Variants in ARMC3 observed in about 807,000 individuals in gnomAD.
The protein encoded by ARMC3 is armadillo repeat-containing protein 3.
Under a neutral mutation model 90.3 loss-of-function variants are expected in ARMC3, and 74 were observed. The observed-to-expected ratio is 0.82, with a 90% CI of 0.68 to 0.99. The LOEUF (loss-of-function observed/expected upper bound fraction) is 0.99. Ranked by LOEUF, ARMC3 falls within the 50% of genes least tolerant of loss-of-function variation. The pLI, the probability that ARMC3 is intolerant of heterozygous loss-of-function variation, is 0.00. For missense variants in ARMC3, 958 were observed against 1,042.8 expected (o/e 0.92, Z 1.12); for synonymous variants, 334 against 361.8 (o/e 0.92, Z 0.87).
At chr10:22,972,131 T>G (rs2131305109) in intron 8 of ARMC3, among the ~76,000 whole-genome samples, 1 of 152,354 alleles carries the variant, frequency 6.6e-6, no homozygotes, top group South Asian at 2.1e-4. Flanking sequence ...TCTCCCATTC[T>G]GTGGTTTGCC....
chr10:23,030,930 C>A (rs1838905078), intron 17 of ARMC3, 134 bp downstream of exon 17: 3 of 986,970 alleles, frequency 3.0e-6, no homozygotes, highest in South Asian at 4.0e-5. Context: ...GACACAGAAA[C>A]ACAATGAATT....
intron 10 of ARMC3, among the ~76,000 whole-genome samples, chr10:22,989,341 T>G (rs1836603737): frequency 6.6e-6 from 1 of 152,186 alleles, no homozygotes; most frequent in Non-Finnish European, 1.5e-5. Flanking sequence ...TTTGACGCAT[T>G]CATTGTACCG....
intron 1 of ARMC3, among the ~76,000 whole-genome samples, chr10:22,929,985 A>G (rs1332725737): frequency 6.6e-6 from 1 of 152,236 alleles, no homozygotes; most frequent in African/African-American, 2.4e-5. Flanking sequence ...AGTAGGAAAA[A>G]TTAGTTCCTA....
chr10:22,974,301 G>T (rs1835822095), intron 8 of ARMC3, among the ~76,000 whole-genome samples: 1 of 152,158 alleles, frequency 6.6e-6, no homozygotes, highest in South Asian at 2.1e-4. Context: ...AGCAAGAGAT[G>T]ATGAGGTCCC....
intron 10 of ARMC3, among the ~76,000 whole-genome samples, chr10:22,996,675 C>T (rs780848579): frequency 6.6e-6 from 1 of 152,156 alleles, no homozygotes; most frequent in African/African-American, 2.4e-5. Context: ...CTCTTCATTA[C>T]GTTCCTGCCC....
rs546284516 is a variant in ARMC3, at chr10:23,003,912, C to A, written c.1731+498C>A. 5.9e-5 allele frequency among the ~76,000 whole-genome samples: 9 copies of A among 152,180 alleles called. No individual in the cohort carries two copies. The East Asian group carries it at 1.7e-3, about 29-fold the overall frequency. ...CCTGTAATCCCAGAACTTTGGGAGT[C>A]TGAGGTAGGAGAATCACTTGAGGCA... is the stretch of plus-strand genomic sequence containing the variant. On this transcript the variant is annotated intron_variant, in intron 13 of 18. Coordinates refer to ENST00000298032, the MANE Select transcript of ARMC3 (RefSeq NM_173081.5).
chr10:22,998,156 C>G lies in ARMC3; in HGVS notation c.1184C>G (p.Ala395Gly). 1 of 1,613,840 alleles carries G rather than the reference C, an allele frequency of 6.2e-7. No individual in the cohort carries two copies. The highest frequency in any genetic ancestry group is 1.1e-5 in the South Asian group (1 of 91,018). The change falls in exon 11 of 19, where the codon GCT becomes GGT. Residue 395 changes from alanine (A) to glycine (G), a missense_variant. Coordinates refer to ENST00000298032, the MANE Select transcript of ARMC3 (RefSeq NM_173081.5). ...TCNPANANAA[A>G]EADGIDPLIN... ...CTCTTTCATTTACTCAGCGCTGCTGCTGAAGCTGATGGTATTGATCCATTA... is the reference window on the plus strand; with the variant it reads ...CTCTTTCATTTACTCAGCGCTGCTGGTGAAGCTGATGGTATTGATCCATTA...
chr10:22,961,555 C>T lies in ARMC3; in HGVS notation c.538-329C>T, dbSNP rs1835191785. The stretch of plus-strand genomic sequence containing the variant: ...TCATTGCATTAATTACTATTTGAAG[C>T]AGTATATCCAAGTGTGAGAAGAATT... On this transcript the variant is annotated intron_variant, in intron 6 of 18. Coordinates refer to ENST00000298032, the MANE Select transcript of ARMC3 (RefSeq NM_173081.5). 1.4e-5 allele frequency: 3 copies of T among 213,762 alleles called. No individual in the cohort carries two copies. In the South Asian group the frequency reaches 2.7e-4, roughly 19 times the overall value. 13.2% of individuals were successfully genotyped at this position (213,762 alleles called of 1,614,324 possible).
chr10:22,976,260 T>G (rs1483210261), intron 8 of ARMC3, among the ~76,000 whole-genome samples: 2 of 152,232 alleles, frequency 1.3e-5, no homozygotes, highest in Non-Finnish European at 2.9e-5. Context: ...TATCAACCTC[T>G]TTGACAGATC....
chr10:23,008,606 C>CT (rs1415672057), intron 15 of ARMC3, among the ~76,000 whole-genome samples: 1 of 152,176 alleles, frequency 6.6e-6, no homozygotes, highest in Non-Finnish European at 1.5e-5. Flanking sequence ...GGCCACATGA[C>CT]TTAGTGTCTG....
In ARMC3 at chr10:23,037,369, G is replaced by A. The variant is rs1184000556; in HGVS notation, c.2509G>A (p.Val837Met). The A allele has an allele frequency of 6.2e-7, 1 of 1,614,030 alleles. No individual in the cohort carries two copies. Among genetic ancestry groups the A allele is most frequent in the Non-Finnish European group, 8.5e-7 (1 of 1,179,920 alleles). ...VMLQNDSRKG[V>M]IGGLPAPEMY... is the part of the protein sequence containing the mutation. ...GCTGCAGAATGACTCTCGGAAGGGA[G>A]TGATTGGGGGCCTCCCCGCTCCTGA... The change falls in exon 19 of 19, where the codon GTG becomes ATG. Residue 837 changes from valine (V) to methionine (M), a missense_variant. By Grantham distance (21) the Val-to-Met change is conservative. Coordinates refer to ENST00000298032, the MANE Select transcript of ARMC3 (RefSeq NM_173081.5).
chr10:23,003,062 T>C (rs975768047), intron 12 of ARMC3, among the ~76,000 whole-genome samples, 184 bp from the exon 13 acceptor site: 1 of 152,212 alleles, frequency 6.6e-6, no homozygotes, highest in Non-Finnish European at 1.5e-5. Flanking sequence ...ACTTGGCATA[T>C]GTATCCTTAA....
intron 3 of ARMC3, among the ~76,000 whole-genome samples, chr10:22,952,844 T>C (rs1033324792): frequency 1.3e-5 from 2 of 152,246 alleles, no homozygotes; most frequent in Non-Finnish European, 2.9e-5. Flanking sequence ...AAATGACTTA[T>C]TCCCAGATTG....
chr10:22,998,093 A>G, intron 10 of ARMC3, 55 bp from the exon 11 acceptor site: 1 of 1,584,952 alleles, frequency 6.3e-7, no homozygotes, highest in Middle Eastern at 1.7e-4. Flanking sequence ...GCATGCTCCA[A>G]AGATAATTTT....
At chr10:23,021,582 G>A (rs142962716) in intron 16 of ARMC3, among the ~76,000 whole-genome samples, 1 of 152,126 alleles carries the variant, frequency 6.6e-6, no homozygotes, top group East Asian at 1.9e-4. Flanking sequence ...TGATGTTGCA[G>A]ATTTTTTCAT....
intron 2 of ARMC3, among the ~76,000 whole-genome samples, chr10:22,944,323 C>A (rs1834440583): frequency 1.3e-5 from 2 of 152,136 alleles, no homozygotes; most frequent in Admixed American, 1.3e-4. Flanking sequence ...TTTGGTCAAG[C>A]TAATATTTTA....
intron 1 of ARMC3, among the ~76,000 whole-genome samples, chr10:22,929,286 G>C (rs559741961): frequency 6.7e-6 from 1 of 149,468 alleles, no homozygotes; most frequent in Non-Finnish European, 1.5e-5. Flanking sequence ...GAGAGAGAAA[G>C]AGAGAGAGAA....
chr10:23,033,675 G>C (rs1173747198), intron 18 of ARMC3, among the ~76,000 whole-genome samples: 1 of 152,168 alleles, frequency 6.6e-6, no homozygotes, highest in Non-Finnish European at 1.5e-5. Flanking sequence ...AAGTTTTCAA[G>C]AGGGTAACAT....
chr10:22,994,664 G>A (rs1393485271), intron 10 of ARMC3, among the ~76,000 whole-genome samples: 2 of 152,222 alleles, frequency 1.3e-5, no homozygotes, highest in Admixed American at 6.5e-5. Flanking sequence ...CACTTTAGCT[G>A]TAAGACGGAG....
Sources: gnomAD v4.1 joint callset for allele counts (sites outside exome capture counted in the v4.1 genomes callset) on GRCh38, gnomAD v4.1.1 for gene constraint, MANE v1.5 for transcripts, NCBI Gene and HGNC (gene_info 2026-07-23, HGNC 2026-07-21) for gene names.